The following TLR5 variants were observed in gnomAD, a reference collection of about 807,000 sequenced individuals.
TLR5 encodes the protein toll-like receptor 5.
For missense variants in TLR5, 944 were observed against 999.8 expected, an observed-to-expected ratio of 0.94 and a Z score of 0.75; for synonymous variants, 373 against 384.4, an observed-to-expected ratio of 0.97 and a Z score of 0.35.
At chr1:223,130,436 G>T (rs1027555551) in intron 5 of TLR5, among the ~76,000 whole-genome samples, 2 of 152,266 alleles carry the variant, frequency 1.3e-5, no homozygotes, top group East Asian at 3.9e-4. Flanking sequence ...CTCACATCCT[G>T]CCTGGTGCCT....
rs925673249 is a variant in TLR5, at chr1:223,109,433, T to TA, written c.*1021dup. 2.6e-5 allele frequency: 4 copies of TA among 151,360 alleles called. No individual in the cohort carries two copies. Among genetic ancestry groups the TA allele is most frequent in the South Asian group, 2.1e-4 (1 of 4,748 alleles). The allele number at this position is 151,360 out of a possible 1,614,324, so 9.4% of individuals were successfully genotyped here. A position where few individuals can be genotyped will look rare whatever the true frequency, so the allele number is the denominator to read the frequency against. ...AAATACACATAGATTTCATTTAAGATAAAAAAATACAACTTCAGTGAAATT... is the reference window on the plus strand; with the variant it reads ...AAATACACATAGATTTCATTTAAGATAAAAAAAATACAACTTCAGTGAAATT... On this transcript the variant is annotated 3_prime_UTR_variant, in exon 6 of 6. Transcript: ENST00000642603.
chr1:223,111,890 T>C lies in TLR5; in HGVS notation c.1142A>G (p.Lys381Arg), dbSNP rs1267393280. 6.2e-7 allele frequency: 1 copy of C among 1,614,004 alleles called. No individual in the cohort carries two copies. Among genetic ancestry groups the C allele is most frequent in the Admixed American group, 1.7e-5 (1 of 60,016 alleles). ...CAAGGTCTGTAATTTTTCCAGGAAT[T>C]TGAATGTTTGGTCTTGAATTATTGC... ...HIAIIQDQTF[K>R]FLEKLQTLDL... is the part of the protein sequence containing the mutation. Residue 381 changes from lysine to arginine, a missense_variant, in exon 6 of 6, where the codon AAA becomes AGA. Coordinates refer to ENST00000642603, the MANE Select transcript of TLR5 (RefSeq NM_003268.6).
At chr1:223,138,248 T>C (rs1657695504) in intron 2 of TLR5, among the ~76,000 whole-genome samples, 1 of 152,018 alleles carries the variant, frequency 6.6e-6, no homozygotes, top group Non-Finnish European at 1.5e-5. Context: ...TGAACTACTG[T>C]ACCCAGCCTC....
In TLR5 at chr1:223,111,839, G is replaced by A; in HGVS notation, c.1193C>T (p.Thr398Ile). The A allele has an allele frequency of 1.2e-6, 2 of 1,613,880 alleles. No individual in the cohort carries two copies. Among genetic ancestry groups the A allele is most frequent in the Non-Finnish European group, 1.7e-6 (2 of 1,179,866 alleles). The change falls in exon 6 of 6, where the codon ACC becomes ATC. Residue 398 changes from threonine to isoleucine, a missense_variant. Thr to Ile is a moderately conservative substitution (Grantham distance 89). Transcript: ENST00000642603. ...TLDLRDNALTTIHFIPSIPDI... is the reference protein window; with the variant it reads ...TLDLRDNALTIIHFIPSIPDI... The stretch of plus-strand genomic sequence containing the variant: ...GGGTATGCTTGGAATAAAATGAATG[G>A]TTGTAAGAGCATTGTCTCGGAGATC...
intron 4 of TLR5, among the ~76,000 whole-genome samples, chr1:223,132,955 C>T (rs1289837746): frequency 2.0e-5 from 3 of 152,146 alleles, no homozygotes; most frequent in Non-Finnish European, 2.9e-5. Context: ...TTTCCAAAGA[C>T]TCAAGCACAA....
chr1:223,135,621 TA>T (rs1657578945), intron 3 of TLR5, among the ~76,000 whole-genome samples: 1 of 152,202 alleles, frequency 6.6e-6, no homozygotes, highest in Admixed American at 6.5e-5. Context: ...GAAGCATTTT[TA>T]AATCCTTGTT....
intron 5 of TLR5, chr1:223,129,396 C>CCTGG (rs1028395151): frequency 6.6e-6 from 1 of 152,394 alleles, no homozygotes; most frequent in African/African-American, 2.4e-5. Context: ...CCCACCAGGC[C>CCTGG]CTGGCCCTCA....
At position 223,112,314 on chromosome 1, in the gene TLR5, C is replaced by A; in HGVS notation, c.718G>T (p.Val240Leu). Residue 240 changes from valine to leucine, a missense_variant, in exon 6 of 6, where the codon GTG becomes TTG. Physicochemically the swap from Val to Leu is conservative, Grantham distance 32 (BLOSUM62 1). Coordinates refer to ENST00000642603, the MANE Select transcript of TLR5 (RefSeq NM_003268.6). ...TTGCTAAAGTTTCCTGTGATGTCCA[C>A]TGTCCAGCCATTTCCAGAAACATCT... ...ILDVSGNGWT[V>L]DITGNFSNAI... is the part of the protein sequence containing the mutation. 1.2e-6 allele frequency: 2 copies of A among 1,614,222 alleles called. No homozygotes were observed. The highest frequency in any genetic ancestry group is 8.5e-7 in the Non-Finnish European group (1 of 1,180,046).
chr1:223,136,841 T>C (rs1245335264), intron 3 of TLR5, among the ~76,000 whole-genome samples: 1 of 152,150 alleles, frequency 6.6e-6, no homozygotes, highest in Non-Finnish European at 1.5e-5. Context: ...TAAATTTTTT[T>C]TTTTGAGACA....
intron 5 of TLR5, among the ~76,000 whole-genome samples, chr1:223,116,740 T>A (rs1036094627): frequency 2.6e-5 from 4 of 152,164 alleles, no homozygotes; most frequent in African/African-American, 7.2e-5. Flanking sequence ...AGGGTGCTGA[T>A]TGGTGCATTT....
rs752092775 is a variant in TLR5 at position 223,112,275 on chromosome 1, T to C, written c.757A>G (p.Ser253Gly). ...GCAAGAATCAAAGAGAAGGCCTGGC[T>C]TTTGCTGATGGCATTGCTAAAGTTT... ...TGNFSNAISK[S>G]QAFSLILAHH... The change falls in exon 6 of 6, where the codon AGC becomes GGC. Residue 253 changes from serine to glycine, a missense_variant. Coordinates refer to ENST00000642603, the MANE Select transcript of TLR5 (RefSeq NM_003268.6). 6.2e-7 allele frequency: 1 copy of C among 1,614,206 alleles called. No individual in the cohort carries two copies. Among genetic ancestry groups the C allele is most frequent in the Non-Finnish European group, 8.5e-7 (1 of 1,180,040 alleles).
At chr1:223,122,083 A>G (rs974708010) in intron 5 of TLR5, among the ~76,000 whole-genome samples, 1 of 152,208 alleles carries the variant, frequency 6.6e-6, no homozygotes, top group African/African-American at 2.4e-5. Context: ...CCTAAAGGCA[A>G]GCACCATCCC....
At position 223,132,638 on chromosome 1, in the gene TLR5, T is replaced by C. The variant is rs769346117; in HGVS notation, c.-168A>G. The C allele has an allele frequency of 3.3e-5, 5 of 152,296 alleles. No individual in the cohort carries two copies. The highest frequency in any genetic ancestry group is 5.9e-5 in the Non-Finnish European group (4 of 68,024). 9.4% of individuals were successfully genotyped at this position (152,296 alleles called of 1,614,324 possible). A position where few individuals can be genotyped will look rare whatever the true frequency, so the allele number is the denominator to read the frequency against. On this transcript the variant is annotated splice_region_variant and 5_prime_UTR_variant, in exon 5 of 6. Coordinates refer to ENST00000642603, the MANE Select transcript of TLR5 (RefSeq NM_003268.6). Reference sequence around the variant, plus strand: ...AATCAGGAGAAAGGACTTTTTGTTTTCCTAAGGGAAAATAGGAAAGCTAAT... The same window carrying C: ...AATCAGGAGAAAGGACTTTTTGTTTCCCTAAGGGAAAATAGGAAAGCTAAT...
chr1:223,121,449 C>G (rs1656950653), intron 5 of TLR5, among the ~76,000 whole-genome samples: 1 of 152,224 alleles, frequency 6.6e-6, no homozygotes. Flanking sequence ...TTTCCACATT[C>G]CTTACAGGCA....
chr1:223,110,860 T>G lies in TLR5; in HGVS notation c.2172A>C (p.Arg724Ser). 6.2e-7 allele frequency: 1 copy of G among 1,614,262 alleles called. No homozygotes were observed. The change falls in exon 6 of 6, where the codon AGA becomes AGC. Residue 724 changes from arginine (R) to serine (S), a missense_variant. By Grantham distance (110) the Arg-to-Ser change is moderately radical. Transcript: ENST00000642603. Reference protein sequence around the residue: ...HLDTQYSDQNRFNLCFEERDF... With the variant: ...HLDTQYSDQNSFNLCFEERDF... ...CTCTTTCTTCAAAGCACAGGTTGAA[T>G]CTGTTTTGGTCACTGTATTGAGTGT...
At chr1:223,116,911 C>A (rs943040481) in intron 5 of TLR5, among the ~76,000 whole-genome samples, 1 of 152,226 alleles carries the variant, frequency 6.6e-6, no homozygotes, top group Non-Finnish European at 1.5e-5. Flanking sequence ...CTAGTGGATC[C>A]CGCGTCAGGG....
At chr1:223,135,698 A>G (rs5744144) in intron 3 of TLR5, among the ~76,000 whole-genome samples, 3,086 of 152,264 alleles carry the variant, frequency 0.02, 40 homozygotes, top group Non-Finnish European at 0.029. Context: ...ACCAGGGCCA[A>G]TCCTCCCTGA....
chr1:223,126,913 C>T (rs1453844112), intron 5 of TLR5: 1 of 152,184 alleles, frequency 6.6e-6, no homozygotes, highest in African/African-American at 2.4e-5. Context: ...GGTCAGTATC[C>T]CTTTCATTTG....
intron 1 of TLR5, among the ~76,000 whole-genome samples, chr1:223,142,878 G>A (rs556383776): frequency 3.0e-4 from 45 of 152,264 alleles, no homozygotes; most frequent in African/African-American, 1.1e-3. Context: ...AGAAGGACCC[G>A]CTCTGTTTCA....
Sources: gnomAD v4.1 joint callset for allele counts (sites outside exome capture counted in the v4.1 genomes callset) on GRCh38, gnomAD v4.1.1 for gene constraint, MANE v1.5 for transcripts, NCBI Gene and HGNC (gene_info 2026-07-23, HGNC 2026-07-21) for gene names.